Variants in NBN observed in about 807,000 individuals in gnomAD.
NBN encodes nibrin.
Under a neutral mutation model 90.8 loss-of-function variants are expected in NBN, and 88 were observed. The ratio of observed to expected loss-of-function variants is 0.97; its 90% CI spans 0.82 to 1.16. NBN has a LOEUF of 1.16. NBN is among the 50% of genes most tolerant of loss of function. The probability of loss-of-function intolerance (pLI) is 0.00; values close to 1 mark genes in which losing one functional copy is unlikely to be tolerated. For synonymous variants in NBN, 328 were observed against 295.1 expected (o/e 1.11, Z -1.14); for missense variants, 894 against 869.6 (o/e 1.03, Z -0.35).
chr8:89,962,104 T>C (rs1811016607), intron 8 of NBN, among the ~76,000 whole-genome samples: 1 of 152,208 alleles, frequency 6.6e-6, no homozygotes, highest in Admixed American at 6.5e-5. Flanking sequence ...CTCAAGACTA[T>C]TCTAATTTAG....
chr8:89,965,461 CA>C (rs1196988641), intron 7 of NBN, among the ~76,000 whole-genome samples: 1 of 151,702 alleles, frequency 6.6e-6, no homozygotes, highest in African/African-American at 2.4e-5. Flanking sequence ...CAAACAACTA[CA>C]AAATGTCTTC....
At chr8:89,954,585 A>G (rs533046673) in intron 10 of NBN, among the ~76,000 whole-genome samples, 1 of 152,212 alleles carries the variant, frequency 6.6e-6, no homozygotes, top group East Asian at 1.9e-4. Flanking sequence ...AAAAGTTTTT[A>G]GGTCTATTAC....
chr8:89,953,498 T>C lies in NBN; in HGVS notation c.1591A>G (p.Ile531Val), dbSNP rs587782330. The C allele has an allele frequency of 4.3e-6, 7 of 1,613,674 alleles. No individual in the cohort carries two copies. The highest frequency in any genetic ancestry group is 3.3e-5 in the Admixed American group (2 of 60,012). Residue 531 changes from isoleucine to valine, a missense_variant, in exon 11 of 16, where the codon ATT becomes GTT. By Grantham distance (29) the Ile-to-Val change is conservative (BLOSUM62 3). Coordinates refer to ENST00000265433, the MANE Select transcript of NBN (RefSeq NM_002485.5). Reference sequence around the variant, plus strand: ...GATTTACTGGCAGAATTTTTCACAATAGATTTTAAATCTGTATCTGTAAAT... The same window carrying C: ...GATTTACTGGCAGAATTTTTCACAACAGATTTTAAATCTGTATCTGTAAAT... ...NLFTDTDLKS[I>V]VKNSASKSHA...
intron 5 of NBN, among the ~76,000 whole-genome samples, chr8:89,975,640 C>T (rs747042107): frequency 1.2e-4 from 18 of 152,176 alleles, no homozygotes; most frequent in East Asian, 1.9e-4. Flanking sequence ...GTTGTATAGT[C>T]GTCATGTACA....
intron 14 of NBN, 90 bp from the exon 15 acceptor site, chr8:89,937,165 A>G: frequency 8.2e-7 from 1 of 1,223,684 alleles, no homozygotes; most frequent in Non-Finnish European, 1.2e-6. Context: ...GTCATCTTAG[A>G]GATTTCCACA....
intron 5 of NBN, among the ~76,000 whole-genome samples, chr8:89,972,359 A>G (rs1811556826): frequency 6.6e-6 from 1 of 152,246 alleles, no homozygotes; most frequent in South Asian, 2.1e-4. Context: ...TTTTAAAGCA[A>G]TGATTTCTGG....
chr8:89,964,540 A>G (rs1811155244), intron 7 of NBN, 33 bp from the exon 8 acceptor site: 1 of 1,550,134 alleles, frequency 6.5e-7, no homozygotes. Context: ...GTATGATAAT[A>G]TATTAAAACT....
chr8:89,980,723 AT>A lies in NBN; in HGVS notation c.480+10del, dbSNP rs1812019032. ...CTTATTTTTAACATAAGAACAAGACATTCAACCTACTTTAATGGTAACTTTC... is the reference window on the plus strand; with the variant it reads ...CTTATTTTTAACATAAGAACAAGACATCAACCTACTTTAATGGTAACTTTC... On this transcript the variant is annotated intron_variant, in intron 4 of 15. Transcript: ENST00000265433. The A allele has an allele frequency of 7.5e-6, 12 of 1,604,366 alleles. No homozygotes were observed. Among genetic ancestry groups the A allele is most frequent in the Non-Finnish European group, 1.0e-5 (12 of 1,171,434 alleles).
intron 8 of NBN, 36 bp downstream of exon 8, chr8:89,964,374 G>A (rs773434652): frequency 4.4e-6 from 7 of 1,609,036 alleles, no homozygotes; most frequent in Non-Finnish European, 6.0e-6. Context: ...ACATAATAAA[G>A]TTGCTAACGA....
chr8:89,943,107 T>G (rs904944836), intron 14 of NBN, 146 bp downstream of exon 14: 18 of 763,214 alleles, frequency 2.4e-5, no homozygotes, highest in Non-Finnish European at 2.0e-5. Context: ...GGGTATAGAT[T>G]AATGCTCTGT....
rs1554559361 is a variant in NBN at position 89,955,537 on chromosome 8, T to C, written c.1143A>G (p.Pro381=). 6.2e-7 allele frequency: 1 copy of C among 1,613,440 alleles called. No homozygotes were observed. The highest frequency in any genetic ancestry group is 2.2e-5 in the East Asian group (1 of 44,862). The change falls in exon 10 of 16, where the codon CCA becomes CCG. Residue 381 remains proline, a synonymous_variant. Coordinates refer to ENST00000265433, the MANE Select transcript of NBN (RefSeq NM_002485.5). The part of the protein sequence containing the change: ...QADTWDLSER[P]KEIKVSKMEQ... The stretch of plus-strand genomic sequence containing the variant: ...CCATTTTGGAGACTTTGATTTCTTT[T>C]GGCCTTTCACTCAAATCCCTGTAGA...
At chr8:89,982,213 T>C (rs1261255580) in intron 2 of NBN, among the ~76,000 whole-genome samples, 2 of 152,168 alleles carry the variant, frequency 1.3e-5, no homozygotes, top group African/African-American at 4.8e-5. Context: ...GGGGCATAAG[T>C]AAGCATTTCC....
chr8:89,953,803 G>T, intron 10 of NBN, 112 bp from the exon 11 acceptor site: 1 of 796,492 alleles, frequency 1.3e-6, no homozygotes, highest in Non-Finnish European at 2.0e-6. Flanking sequence ...ATGTACTCTT[G>T]ATTTTATTAA....
chr8:89,936,087 CTTTT>C (rs35393048), intron 15 of NBN: 466 of 278,998 alleles, frequency 1.7e-3, no homozygotes, highest in Middle Eastern at 3.3e-3. Flanking sequence ...TCTGTCAACA[CTTTT>C]TTTTTTTTTT....
At chr8:89,947,220 T>C (rs778311677) in intron 12 of NBN, among the ~76,000 whole-genome samples, 5 of 152,162 alleles carry the variant, frequency 3.3e-5, no homozygotes, top group African/African-American at 7.2e-5. Flanking sequence ...TATAGAGTAT[T>C]TGAGGTTCTT....
At chr8:89,969,942 C>A (rs751417802) in intron 7 of NBN, among the ~76,000 whole-genome samples, 1 of 147,410 alleles carries the variant, frequency 6.8e-6, no homozygotes, top group Non-Finnish European at 1.5e-5. Flanking sequence ...CAGAGCAAGA[C>A]CCTGTCTCAA....
rs189982857 is a variant in NBN at position 89,979,230 on chromosome 8, C to T, written c.481-907G>A. On this transcript the variant is annotated intron_variant, in intron 4 of 15. Transcript: ENST00000265433. ...CTGGGCTCAAGCAATCCTCCCACCT[C>T]GGCATCCCAAAGTGCTGGGATTACA... 7.2e-5 allele frequency among the ~76,000 whole-genome samples: 11 copies of T among 152,298 alleles called. No individual in the cohort carries two copies. In the East Asian group the frequency reaches 2.1e-3, roughly 29 times the overall value.
chr8:89,948,519 T>C (rs1019246656), intron 11 of NBN, among the ~76,000 whole-genome samples: 2 of 152,208 alleles, frequency 1.3e-5, no homozygotes, highest in Non-Finnish European at 2.9e-5. Flanking sequence ...CATGTCTGGA[T>C]CATGTCCTAG....
Position 89,933,849 on chromosome 8 carries a change from C to T in NBN, c.*1733G>A, listed in dbSNP as rs1809544931. The T allele has an allele frequency of 4.3e-6, 1 of 232,082 alleles. No homozygotes were observed. Among genetic ancestry groups the T allele is most frequent in the Non-Finnish European group, 8.5e-6 (1 of 117,534 alleles). 14.4% of individuals were successfully genotyped at this position (232,082 alleles called of 1,614,324 possible). On this transcript the variant is annotated 3_prime_UTR_variant, in exon 16 of 16. Coordinates refer to ENST00000265433, the MANE Select transcript of NBN (RefSeq NM_002485.5). ...ATACATATATCCGACAAGAGACTTG[C>T]ATCTAGAATGTATAAAGAATTTCTA...
Sources: allele counts gnomAD v4.1 joint callset (sites outside exome capture counted in the v4.1 genomes callset), GRCh38; gene constraint gnomAD v4.1.1; transcripts MANE v1.5; gene names NCBI Gene and HGNC (gene_info 2026-07-23, HGNC 2026-07-21).